The following N4BP2 variants were observed in gnomAD, a reference collection of about 807,000 sequenced individuals.
N4BP2 encodes the protein NEDD4 binding protein 2.
A neutral mutation model predicts 152.8 loss-of-function variants in N4BP2; 91 were observed. The observed-to-expected ratio is 0.60, with a 90% CI of 0.50 to 0.71. N4BP2 has a LOEUF of 0.71. N4BP2 is among the 30% of genes least tolerant of loss of function. N4BP2 has a pLI of 0.00. For synonymous variants in N4BP2, 646 were observed against 705.3 expected (o/e 0.92, Z 1.33); for missense variants, 1,923 against 2,059.1 (o/e 0.93, Z 1.28).
rs904301322 is a variant in N4BP2 at position 40,157,910 on chromosome 4, G to A, written c.*3673G>A. ...GAACACATCTACATCCTGAAGAGCCGTTTATAACTTCATATTATATGATGA... is the reference window on the plus strand; with the variant it reads ...GAACACATCTACATCCTGAAGAGCCATTTATAACTTCATATTATATGATGA... On this transcript the variant is annotated 3_prime_UTR_variant, in exon 18 of 18. Coordinates refer to ENST00000261435, the MANE Select transcript of N4BP2 (RefSeq NM_018177.6). 9.9e-5 allele frequency: 15 copies of A among 152,086 alleles called. No individual in the cohort carries two copies. Among genetic ancestry groups the A allele is most frequent in the South Asian group, 4.1e-4 (2 of 4,820 alleles). The allele number at this position is 152,086 out of a possible 1,614,324, so 9.4% of individuals were successfully genotyped here. A position where few individuals can be genotyped will look rare whatever the true frequency, so the allele number is the denominator to read the frequency against.
chr4:40,075,400 T>C (rs1712629762), intron 2 of N4BP2, among the ~76,000 whole-genome samples: 1 of 152,160 alleles, frequency 6.6e-6, no homozygotes, highest in South Asian at 2.1e-4. Context: ...GCTTTTCTTT[T>C]ATTTATTTAT....
rs2109952228 is a variant in N4BP2 at position 40,097,290 on chromosome 4, G to A, written c.-51G>A. The A allele has an allele frequency of 6.7e-7, 1 of 1,498,058 alleles. No homozygotes were observed. Among genetic ancestry groups the A allele is most frequent in the Non-Finnish European group, 9.3e-7 (1 of 1,078,716 alleles). The allele number at this position is 1,498,058 out of a possible 1,614,324, so 92.8% of individuals were successfully genotyped here. ...ATTTTGTTTGAATTATGACTTAAAT[G>A]TCAAACATCTTAACTAAGAAAAGGG... is the stretch of plus-strand genomic sequence containing the variant. On this transcript the variant is annotated 5_prime_UTR_variant, in exon 3 of 18. It removes an upstream start codon present in the reference 5' UTR. Coordinates refer to ENST00000261435, the MANE Select transcript of N4BP2 (RefSeq NM_018177.6).
chr4:40,082,467 A>G (rs1336490875), intron 2 of N4BP2, among the ~76,000 whole-genome samples: 2 of 152,142 alleles, frequency 1.3e-5, no homozygotes, highest in African/African-American at 4.8e-5. Flanking sequence ...AAAAGTATAT[A>G]AATGCCAATA....
the N4BP2 span, among the ~76,000 whole-genome samples, chr4:40,190,388 G>A: frequency 6.6e-6 from 1 of 152,172 alleles, no homozygotes; most frequent in African/African-American, 2.4e-5. Flanking sequence ...TTATGCATAA[G>A]GAATAAAATG....
At chr4:40,126,542 A>T (rs1176799283) in intron 12 of N4BP2, among the ~76,000 whole-genome samples, 1 of 152,186 alleles carries the variant, frequency 6.6e-6, no homozygotes, top group Non-Finnish European at 1.5e-5. Context: ...TAAGCCATCC[A>T]TGTTAAGTTT....
chr4:40,124,229 A>G (rs374883055), intron 11 of N4BP2, 24 bp downstream of exon 11: 9 of 1,564,680 alleles, frequency 5.8e-6, no homozygotes, highest in East Asian at 2.3e-5. Flanking sequence ...TTTTATTTCT[A>G]ATGTCTTAAT....
chr4:40,060,007 C>A (rs374893535), intron 1 of N4BP2, among the ~76,000 whole-genome samples: 1 of 146,166 alleles, frequency 6.8e-6, no homozygotes, highest in East Asian at 2.0e-4. Context: ...TTTTTTTTTT[C>A]TTTTTTTAAA....
At chr4:40,105,590 C>T (rs549363847) in intron 4 of N4BP2, among the ~76,000 whole-genome samples, 9 of 151,480 alleles carry the variant, frequency 5.9e-5, no homozygotes, top group Admixed American at 2.6e-4. Flanking sequence ...TGCTTTGTCA[C>T]CCAGGCTGGA....
chr4:40,135,216 G>A (rs1719276480), intron 13 of N4BP2, among the ~76,000 whole-genome samples: 1 of 150,320 alleles, frequency 6.7e-6, no homozygotes, highest in Non-Finnish European at 1.5e-5. Flanking sequence ...TTTTGTTCTT[G>A]CGATAGTTTA....
downstream of N4BP2, among the ~76,000 whole-genome samples, chr4:40,161,683 G>A (rs1721864322): frequency 6.6e-6 from 1 of 152,170 alleles, no homozygotes; most frequent in African/African-American, 2.4e-5. Context: ...TGGAGCAAGT[G>A]GCTGTGGGTA....
rs750731116 is a variant in N4BP2 at position 40,102,081 on chromosome 4, A to T, written c.236A>T (p.Asn79Ile). 6 of 1,565,322 alleles carry T rather than the reference A, an allele frequency of 3.8e-6. No individual in the cohort carries two copies. The South Asian group carries it at 7.1e-5, about 18-fold the overall frequency. The change falls in exon 4 of 18, where the codon AAT becomes ATT. Residue 79 changes from asparagine (N) to isoleucine (I), a missense_variant. Asn to Ile is a moderately radical substitution (Grantham distance 149). Transcript: ENST00000261435. ...MLSECDFKVENAMDCLLELSA... is the reference protein window; with the variant it reads ...MLSECDFKVEIAMDCLLELSA... Reference sequence around the variant, plus strand: ...TATTCTTGTTGTTGTACAGTTGAAAATGCTATGGATTGTCTATTAGAATTA... The same window carrying T: ...TATTCTTGTTGTTGTACAGTTGAAATTGCTATGGATTGTCTATTAGAATTA...
intron 16 of N4BP2, among the ~76,000 whole-genome samples, chr4:40,146,630 T>C (rs958249737): frequency 1.3e-5 from 2 of 152,242 alleles, no homozygotes; most frequent in Non-Finnish European, 2.9e-5. Flanking sequence ...TGAAGTACTT[T>C]AGCACATACA....
At chr4:40,105,352 C>G (rs1453377905) in intron 4 of N4BP2, among the ~76,000 whole-genome samples, 1 of 144,986 alleles carries the variant, frequency 6.9e-6, no homozygotes, top group African/African-American at 2.5e-5. Context: ...TTGACAGAGT[C>G]TGACTCTGTC....
chr4:40,122,466 C>T (rs1718030561), intron 9 of N4BP2, among the ~76,000 whole-genome samples, 157 bp downstream of exon 9: 1 of 152,054 alleles, frequency 6.6e-6, no homozygotes. Flanking sequence ...CTCTGCCTCC[C>T]AGGTTCAAGT....
intron 2 of N4BP2, among the ~76,000 whole-genome samples, chr4:40,081,058 A>C (rs887141672): frequency 6.6e-6 from 1 of 151,648 alleles, no homozygotes; most frequent in Admixed American, 6.6e-5. Context: ...AGTGAAAAAA[A>C]GGGAATGGAA....
chr4:40,069,412 T>TA (rs1055452716), intron 1 of N4BP2, among the ~76,000 whole-genome samples: 163 of 151,896 alleles, frequency 1.1e-3, no homozygotes, highest in African/African-American at 3.6e-3. Flanking sequence ...GAGACTGTTT[T>TA]AAAAAAAAAT....
intron 12 of N4BP2, among the ~76,000 whole-genome samples, chr4:40,130,381 G>T (rs1310718784): frequency 1.3e-5 from 2 of 152,072 alleles, no homozygotes; most frequent in Non-Finnish European, 2.9e-5. Context: ...CTTGTTGTAT[G>T]TTCAGCTTTA....
chr4:40,091,994 A>T (rs1714597426), intron 2 of N4BP2, among the ~76,000 whole-genome samples: 2 of 100,434 alleles, frequency 2.0e-5, no homozygotes, highest in African/African-American at 7.7e-5. Context: ...AAAAAAAAAA[A>T]AAAAAAAAAA....
At chr4:40,107,140 C>A in intron 5 of N4BP2, 116 bp downstream of exon 5, 1 of 1,047,474 alleles carries the variant, frequency 9.5e-7, no homozygotes, top group Non-Finnish European at 1.4e-6. Context: ...CGCTGTGTTG[C>A]ACAGGCTAGA....
Sources: allele counts gnomAD v4.1 joint callset (sites outside exome capture counted in the v4.1 genomes callset), GRCh38; gene constraint gnomAD v4.1.1; transcripts MANE v1.5; gene names NCBI Gene and HGNC (gene_info 2026-07-23, HGNC 2026-07-21).